TDRD12: variants seen among roughly 807,000 people sequenced by gnomAD.
TDRD12 encodes tudor domain containing 12.
A neutral mutation model predicts 133.5 loss-of-function variants in TDRD12; 158 were observed. The observed-to-expected ratio is 1.18, with a 90% CI of 1.04 to 1.35. TDRD12 has a LOEUF of 1.35. Among genes scored for constraint, TDRD12 ranks in the 40% most tolerant of loss-of-function variants. The pLI is 0.00. For missense variants in TDRD12, 1,443 were observed against 1,321.3 expected, an observed-to-expected ratio of 1.09 and a Z score of -1.43; for synonymous variants, 460 against 477.9, an observed-to-expected ratio of 0.96 and a Z score of 0.49.
intron 1 of TDRD12, among the ~76,000 whole-genome samples, chr19:32,723,474 C>T (rs1360206042): frequency 1.3e-5 from 2 of 152,050 alleles, no homozygotes; most frequent in Non-Finnish European, 2.9e-5. Context: ...TGGTCTCGAT[C>T]TCCTGACCTC....
intron 8 of TDRD12, among the ~76,000 whole-genome samples, chr19:32,764,830 A>G (rs151004180): frequency 1.3e-5 from 2 of 152,338 alleles, no homozygotes; most frequent in African/African-American, 4.8e-5. Flanking sequence ...AGGCATGGGC[A>G]AGGACTTCAT....
At chr19:32,794,185 A>G (rs1388653509) in intron 13 of TDRD12, among the ~76,000 whole-genome samples, 1 of 132,448 alleles carries the variant, frequency 7.6e-6, no homozygotes, top group Non-Finnish European at 1.5e-5. Flanking sequence ...GGCTTACCGC[A>G]TCCTCTGCCT....
At position 32,745,790 on chromosome 19, in the gene TDRD12, C is replaced by CTGTGTGTG. The variant is rs10692093; in HGVS notation, c.441-2669_441-2662dup. ...GAGAGAGAGACTGGCTGATGTCATT[C>CTGTGTGTG]TGTGTGTGTGTGTGTGTGTGTGTGA... On this transcript the variant is annotated intron_variant, in intron 4 of 27. Coordinates refer to ENST00000444215, the Ensembl canonical transcript of TDRD12. Among the ~76,000 whole-genome samples the CTGTGTGTG allele has an allele frequency of 3.2e-5, 3 of 94,828 alleles. 1 individual carries two copies. The highest frequency in any genetic ancestry group is 1.4e-4 in the African/African-American group (3 of 21,814). The allele number at this position is 94,828 out of a possible 152,430, so 62.2% of individuals were successfully genotyped here. A position where few individuals can be genotyped will look rare whatever the true frequency, so the allele number is the denominator to read the frequency against.
intron 2 of TDRD12, among the ~76,000 whole-genome samples, chr19:32,734,470 G>T (rs921215719): frequency 4.7e-5 from 7 of 150,394 alleles, no homozygotes; most frequent in Non-Finnish European, 8.9e-5. Context: ...TTTTGGTATC[G>T]AGCAATCCTC....
intron 8 of TDRD12, among the ~76,000 whole-genome samples, chr19:32,767,903 A>G (rs1440947054): frequency 6.6e-6 from 1 of 152,196 alleles, no homozygotes; most frequent in East Asian, 1.9e-4. Flanking sequence ...TCTACCACCT[A>G]TTTTTGTGCT....
chr19:32,807,654 T>C lies in TDRD12; in HGVS notation c.2652+6T>C. 6.6e-7 allele frequency: 1 copy of C among 1,516,670 alleles called. No homozygotes were observed. The highest frequency in any genetic ancestry group is 2.4e-5 in the East Asian group (1 of 40,832). The allele number at this position is 1,516,670 out of a possible 1,614,324, so 94.0% of individuals were successfully genotyped here. Reference sequence around the variant, plus strand: ...CTTCATTTGGATACATTAAAGTAGGTTTGGTTAAAGATGCTTGTGTCCTCT... The same window carrying C: ...CTTCATTTGGATACATTAAAGTAGGCTTGGTTAAAGATGCTTGTGTCCTCT... On this transcript the variant is annotated splice_donor_region_variant and intron_variant, in intron 22 of 27. Transcript: ENST00000444215.
intron 1 of TDRD12, among the ~76,000 whole-genome samples, chr19:32,727,438 T>G (rs1339852739): frequency 6.6e-6 from 1 of 152,196 alleles, no homozygotes; most frequent in Non-Finnish European, 1.5e-5. Flanking sequence ...GTGGTGATAG[T>G]GACTTTTGAT....
chr19:32,818,560 A>T lies in TDRD12; in HGVS notation c.3383+403A>T, dbSNP rs145317920. On this transcript the variant is annotated intron_variant, in intron 27 of 27. Coordinates refer to ENST00000444215, the Ensembl canonical transcript of TDRD12. ...AGGCTTGGACCAGGTGGCTTTGTGG[A>T]GGTTGAGAAGCTGCTGGTTTATCAG... Among the ~76,000 whole-genome samples the T allele has an allele frequency of 5.5e-4, 84 of 152,200 alleles. No homozygotes were observed. The East Asian group carries it at 0.014, about 25-fold the overall frequency.
chr19:32,764,790 G>T (rs998332191), intron 8 of TDRD12, among the ~76,000 whole-genome samples: 2 of 152,148 alleles, frequency 1.3e-5, no homozygotes, highest in Non-Finnish European at 2.9e-5. Flanking sequence ...TTACTTAGGT[G>T]CATAAAGGCT....
intron 22 of TDRD12, 26 bp from the exon 23 acceptor site, chr19:32,810,067 G>T (rs1421037520): frequency 1.4e-6 from 2 of 1,410,702 alleles, no homozygotes; most frequent in Admixed American, 2.4e-5. Context: ...TTTGTTTCTT[G>T]GTCATGTTTA....
intron 8 of TDRD12, among the ~76,000 whole-genome samples, chr19:32,772,101 A>C (rs754789528): frequency 2.0e-5 from 3 of 152,072 alleles, no homozygotes; most frequent in African/African-American, 4.8e-5. Flanking sequence ...TCAGACAGGG[A>C]GACGTGAGGG....
intron 8 of TDRD12, among the ~76,000 whole-genome samples, chr19:32,769,730 GGATTCAAGT>G (rs2145590776): frequency 6.6e-6 from 1 of 152,000 alleles, no homozygotes; most frequent in African/African-American, 2.4e-5. Context: ...TCCGCCTCCT[GGATTCAAGT>G]GATTCTCCTG....
chr19:32,756,328 A>G (rs761477102), intron 7 of TDRD12, 147 bp downstream of exon 7: 10 of 672,614 alleles, frequency 1.5e-5, no homozygotes, highest in Non-Finnish European at 2.0e-5. Context: ...GCTGTGACAC[A>G]TTGTAAGGTC....
rs1321088251 is a variant in TDRD12, at chr19:32,796,208, C to T, written c.1473+1395C>T. ...ACGGGGCTCCACCAGTGAAAAACAG[C>T]AGTAAGAAGACATAGGGTTGCAGTT... On this transcript the variant is annotated intron_variant, in intron 14 of 27. Coordinates refer to ENST00000444215, the Ensembl canonical transcript of TDRD12. The T allele has an allele frequency of 3.0e-6, 3 of 983,870 alleles. No homozygotes were observed. The African/African-American group carries it at 5.2e-5, about 17-fold the overall frequency. The allele number at this position is 983,870 out of a possible 1,614,324, so 60.9% of individuals were successfully genotyped here.
intron 23 of TDRD12, 115 bp downstream of exon 23, chr19:32,810,392 A>G (rs896105541): frequency 3.5e-6 from 3 of 852,274 alleles, no homozygotes; most frequent in Admixed American, 6.6e-5. Context: ...GAGCCTGGTG[A>G]CAGCGGGGTG....
intron 1 of TDRD12, among the ~76,000 whole-genome samples, chr19:32,722,682 T>A (rs200094855): frequency 0.063 from 7,535 of 119,974 alleles, 304 homozygotes; most frequent in East Asian, 0.24. Flanking sequence ...AAAAAAAATT[T>A]TTTTTTTTTT....
At chr19:32,748,135 A>C (rs1284755043) in intron 4 of TDRD12, among the ~76,000 whole-genome samples, 1 of 152,182 alleles carries the variant, frequency 6.6e-6, no homozygotes, top group Admixed American at 6.5e-5. Flanking sequence ...CCCCACACTC[A>C]GGATCCCTGT....
At chr19:32,728,896 C>G (rs1968949807) in intron 1 of TDRD12, among the ~76,000 whole-genome samples, 1 of 150,106 alleles carries the variant, frequency 6.7e-6, no homozygotes, top group African/African-American at 2.4e-5. Flanking sequence ...ATCCGCCCGT[C>G]TCGGCCTCCC....
chr19:32,792,112 G>A (rs12609192), intron 13 of TDRD12, among the ~76,000 whole-genome samples: 23,222 of 152,010 alleles, frequency 0.15, 1,844 homozygotes, highest in East Asian at 0.28. Context: ...CAGGCATGGT[G>A]GTACATGCCT....
Sources: allele counts gnomAD v4.1 joint callset (sites outside exome capture counted in the v4.1 genomes callset), GRCh38; gene constraint gnomAD v4.1.1; transcripts MANE v1.5; gene names NCBI Gene and HGNC (gene_info 2026-07-23, HGNC 2026-07-21).